GRB14: variants seen among roughly 807,000 people sequenced by gnomAD.
The protein encoded by GRB14 is growth factor receptor bound protein 14.
In GRB14, 38 loss-of-function variants were observed where a neutral mutation model predicts 69.1. The ratio of observed to expected loss-of-function variants is 0.55; its 90% CI spans 0.42 to 0.72. The LOEUF (loss-of-function observed/expected upper bound fraction) is 0.72. Among genes scored for constraint, GRB14 ranks in the 30% least tolerant of loss-of-function variants. The pLI is 0.00. For missense variants in GRB14, 666 were observed against 666.1 expected (o/e 1.00, Z 0.00); for synonymous variants, 247 against 241.3 (o/e 1.02, Z -0.22).
At chr2:164,527,932 C>T (rs967460612) in intron 3 of GRB14, among the ~76,000 whole-genome samples, 10 of 151,906 alleles carry the variant, frequency 6.6e-5, no homozygotes, top group Non-Finnish European at 1.3e-4. Context: ...CTTGAAACTA[C>T]CCAAATGCCC....
intron 2 of GRB14, among the ~76,000 whole-genome samples, chr2:164,585,911 T>C (rs977880752): frequency 6.6e-6 from 1 of 152,228 alleles, no homozygotes; most frequent in Non-Finnish European, 1.5e-5. Flanking sequence ...TCCAGTCACT[T>C]AGTCAACCAT....
chr2:164,526,168 G>A (rs1002565867), intron 4 of GRB14, among the ~76,000 whole-genome samples: 5 of 151,842 alleles, frequency 3.3e-5, no homozygotes, highest in Non-Finnish European at 7.4e-5. Context: ...CTATTAATAG[G>A]TTAAGATAAA....
chr2:164,527,624 G>A (rs1331661912), intron 3 of GRB14, among the ~76,000 whole-genome samples: 1 of 151,898 alleles, frequency 6.6e-6, no homozygotes, highest in African/African-American at 2.4e-5. Context: ...AATCTGGATA[G>A]CTGAGAAGAA....
In GRB14 at chr2:164,579,501, G is replaced by GCACA. The variant is rs61305070; in HGVS notation, c.325-31689_325-31686dup. On this transcript the variant is annotated intron_variant, in intron 2 of 13. Transcript: ENST00000263915. ...CCTCATTTTATTACAGGGCACACTT[G>GCACA]CACACACACACACACACACACACAC... Among the ~76,000 whole-genome samples the GCACA allele has an allele frequency of 9.0e-3, 1,306 of 145,068 alleles. 12 individuals are homozygous for GCACA. Among genetic ancestry groups the GCACA allele is most frequent in the African/African-American group, 0.02 (765 of 37,920 alleles).
chr2:164,497,832 A>G (rs1686944357), intron 9 of GRB14, among the ~76,000 whole-genome samples: 1 of 152,166 alleles, frequency 6.6e-6, no homozygotes, highest in Admixed American at 6.6e-5. Flanking sequence ...GAAAACTTCC[A>G]TTTAGAAAGG....
At chr2:164,505,674 GT>G (rs1687170405) in intron 8 of GRB14, among the ~76,000 whole-genome samples, 2 of 151,968 alleles carry the variant, frequency 1.3e-5, no homozygotes, top group Non-Finnish European at 2.9e-5. Context: ...GCATATATAT[GT>G]GTATGTGTAA....
At chr2:164,604,972 A>T (rs1345562808) in intron 2 of GRB14, among the ~76,000 whole-genome samples, 3 of 152,202 alleles carry the variant, frequency 2.0e-5, no homozygotes, top group African/African-American at 7.2e-5. Flanking sequence ...GGATGCACTT[A>T]TGTCAGTAAA....
At chr2:164,544,804 C>A (rs1042097272) in intron 3 of GRB14, among the ~76,000 whole-genome samples, 9 of 152,274 alleles carry the variant, frequency 5.9e-5, no homozygotes, top group Non-Finnish European at 1.2e-4. Flanking sequence ...TTACTCTATC[C>A]CCTTCACGAG....
chr2:164,598,283 TATACTTTAG>T (rs2105350359), intron 2 of GRB14, among the ~76,000 whole-genome samples: 1 of 152,246 alleles, frequency 6.6e-6, no homozygotes, highest in South Asian at 2.1e-4. Flanking sequence ...CTTCAAGTAC[TATACTTTAG>T]GTATGTTAGG....
chr2:164,610,330 T>A (rs1690137405), intron 2 of GRB14, among the ~76,000 whole-genome samples: 1 of 152,138 alleles, frequency 6.6e-6, no homozygotes, highest in Non-Finnish European at 1.5e-5. Flanking sequence ...GAACACACAG[T>A]AAACTTAAAG....
At chr2:164,578,222 G>T (rs1215886908) in intron 2 of GRB14, among the ~76,000 whole-genome samples, 8 of 151,478 alleles carry the variant, frequency 5.3e-5, no homozygotes, top group African/African-American at 1.9e-4. Context: ...AACAGAGCAA[G>T]ACTCTGTCTA....
chr2:164,510,951 G>A (rs753180554), intron 6 of GRB14, among the ~76,000 whole-genome samples: 94 of 152,150 alleles, frequency 6.2e-4, no homozygotes, highest in Non-Finnish European at 1.2e-3. Context: ...CTTGGGAGAG[G>A]GAGAGCACAG....
intron 2 of GRB14, among the ~76,000 whole-genome samples, chr2:164,574,239 A>AT (rs1689191742): frequency 6.7e-6 from 1 of 149,062 alleles, no homozygotes; most frequent in African/African-American, 2.5e-5. Context: ...AGGAAAAATT[A>AT]TCTTTTTTTT....
chr2:164,546,665 C>G (rs774387788), intron 3 of GRB14, among the ~76,000 whole-genome samples: 1 of 152,196 alleles, frequency 6.6e-6, no homozygotes, highest in Non-Finnish European at 1.5e-5. Flanking sequence ...GGTAGACAAC[C>G]TCTTACCCCA....
chr2:164,574,622 AAATAT>A (rs1244696966), intron 2 of GRB14, among the ~76,000 whole-genome samples: 1 of 152,118 alleles, frequency 6.6e-6, no homozygotes, highest in Admixed American at 6.5e-5. Flanking sequence ...AGAATAAATA[AAATAT>A]AAGACTTTTT....
intron 2 of GRB14, among the ~76,000 whole-genome samples, chr2:164,603,680 A>C (rs1689980929): frequency 7.6e-6 from 1 of 132,354 alleles, no homozygotes; most frequent in African/African-American, 2.7e-5. Flanking sequence ...AAATATATAT[A>C]TATTAACTCG....
chr2:164,583,676 A>T (rs182079577), intron 2 of GRB14, among the ~76,000 whole-genome samples: 1 of 152,364 alleles, frequency 6.6e-6, no homozygotes, highest in African/African-American at 2.4e-5. Flanking sequence ...GATTAGTCAA[A>T]AAAAGGCAAG....
intron 2 of GRB14, among the ~76,000 whole-genome samples, chr2:164,612,065 T>C (rs1406989946): frequency 6.6e-6 from 1 of 152,190 alleles, no homozygotes; most frequent in African/African-American, 2.4e-5. Flanking sequence ...GTAGTAGGAC[T>C]GTATTAAAAA....
chr2:164,539,168 C>T (rs570213129), intron 3 of GRB14, among the ~76,000 whole-genome samples: 1 of 152,192 alleles, frequency 6.6e-6, no homozygotes, highest in Non-Finnish European at 1.5e-5. Context: ...CACACATATG[C>T]ATTTATATTA....
Sources: gnomAD v4.1 joint callset for allele counts (sites outside exome capture counted in the v4.1 genomes callset) on GRCh38, gnomAD v4.1.1 for gene constraint, MANE v1.5 for transcripts, NCBI Gene and HGNC (gene_info 2026-07-23, HGNC 2026-07-21) for gene names.